The following LIMCH1 variants were observed in gnomAD, a reference collection of about 807,000 sequenced individuals.
LIMCH1 encodes the protein LIM and calponin homology domains 1, also known as LIM and calponin homology domains-containing protein 1.
A neutral mutation model predicts 176.5 loss-of-function variants in LIMCH1; 113 were observed. That is an observed-to-expected ratio of 0.64 (90% CI 0.55 to 0.75). The LOEUF (loss-of-function observed/expected upper bound fraction) is 0.75, where lower values mean the gene tolerates loss of function less well. LIMCH1 is among the 30% of genes least tolerant of loss of function. The probability of loss-of-function intolerance (pLI) is 0.00; values close to 1 mark genes in which losing one functional copy is unlikely to be tolerated. For synonymous variants in LIMCH1, 619 were observed against 645.9 expected (o/e 0.96, Z 0.63); for missense variants, 1,674 against 1,814.9 (o/e 0.92, Z 1.41).
intron 28 of LIMCH1, among the ~76,000 whole-genome samples, chr4:41,687,331 C>T (rs1560388867): frequency 1.3e-5 from 2 of 152,238 alleles, no homozygotes; most frequent in East Asian, 3.9e-4. Context: ...ACCCTTCATC[C>T]CACGTATCCA....
chr4:41,428,891 G>T (rs2061350837), intron 1 of LIMCH1, among the ~76,000 whole-genome samples: 2 of 152,220 alleles, frequency 1.3e-5, no homozygotes, highest in African/African-American at 4.8e-5. Flanking sequence ...GCTCACTGCT[G>T]CCTGAAGTCT....
intron 4 of LIMCH1, among the ~76,000 whole-genome samples, chr4:41,610,127 G>A (rs1322295051): frequency 6.6e-6 from 1 of 152,174 alleles, no homozygotes; most frequent in Non-Finnish European, 1.5e-5. Flanking sequence ...TGAATATAAC[G>A]GCCTCTCTGT....
intron 1 of LIMCH1, among the ~76,000 whole-genome samples, chr4:41,400,298 G>A (rs1403013626): frequency 1.3e-5 from 2 of 152,160 alleles, no homozygotes; most frequent in African/African-American, 2.4e-5. Context: ...CCTAAACTGT[G>A]TCATGGGGTA....
intron 1 of LIMCH1, among the ~76,000 whole-genome samples, chr4:41,576,387 T>A (rs2152650939): frequency 6.6e-6 from 1 of 152,350 alleles, no homozygotes; most frequent in South Asian, 2.1e-4. Context: ...GAGGACAATT[T>A]GGAAATACCT....
At chr4:41,432,139 T>TC (rs2061659866) in intron 1 of LIMCH1, among the ~76,000 whole-genome samples, 1 of 152,198 alleles carries the variant, frequency 6.6e-6, no homozygotes, top group Admixed American at 6.5e-5. Context: ...TTGCTGTTTT[T>TC]CCCCACTCAG....
rs1380074976 is a variant in LIMCH1 at position 41,626,956 on chromosome 4, G to A, written c.974G>A (p.Gly325Asp). ...AAGAAAGGGGCAGAGAAATCAGATG[G>A]CAGCAAACAGCTCTCAAAGGGAATC... ...YPKKGAEKSD[G>D]SKQLSKGISK... The change falls in exon 8 of 32, where the codon GGC becomes GAC. Residue 325 changes from glycine to aspartate, a missense_variant. By Grantham distance (94) the Gly-to-Asp change is moderately conservative. Coordinates refer to ENST00000503057, the MANE Select transcript of LIMCH1 (RefSeq NM_001330672.2). The A allele has an allele frequency of 6.5e-7, 1 of 1,535,630 alleles. No homozygotes were observed. Among genetic ancestry groups the A allele is most frequent in the African/African-American group, 1.4e-5 (1 of 72,878 alleles).
intron 1 of LIMCH1, among the ~76,000 whole-genome samples, chr4:41,403,589 A>G (rs997457754): frequency 1.3e-5 from 2 of 152,192 alleles, no homozygotes; most frequent in Non-Finnish European, 2.9e-5. Flanking sequence ...TCAAGTAAAT[A>G]AATAAATAAA....
At chr4:41,500,265 C>T (rs2073030089) in intron 2 of LIMCH1, among the ~76,000 whole-genome samples, 1 of 152,220 alleles carries the variant, frequency 6.6e-6, no homozygotes, top group African/African-American at 2.4e-5. Flanking sequence ...ATGATACTTT[C>T]CTGAATCAGT....
chr4:41,446,861 G>T (rs1376333899), intron 1 of LIMCH1, among the ~76,000 whole-genome samples: 1 of 152,218 alleles, frequency 6.6e-6, no homozygotes, highest in Non-Finnish European at 1.5e-5. Context: ...GTGTATGTGT[G>T]TGATTCTGAG....
chr4:41,419,678 T>G (rs2060395971), intron 1 of LIMCH1, among the ~76,000 whole-genome samples: 1 of 69,908 alleles, frequency 1.4e-5, no homozygotes, highest in African/African-American at 7.5e-5. Flanking sequence ...CCTTCCTTCC[T>G]TCCTCCTTCC....
chr4:41,429,831 G>C (rs2061436353), intron 1 of LIMCH1, among the ~76,000 whole-genome samples: 1 of 151,844 alleles, frequency 6.6e-6, no homozygotes, highest in Non-Finnish European at 1.5e-5. Flanking sequence ...TCATGTAGAT[G>C]CACGTTGATA....
intron 1 of LIMCH1, among the ~76,000 whole-genome samples, chr4:41,401,409 G>A (rs1452603059): frequency 3.9e-5 from 6 of 152,178 alleles, no homozygotes; most frequent in Non-Finnish European, 8.8e-5. Context: ...TTTGATACCA[G>A]TACCATGCTG....
chr4:41,602,181 G>T (rs1358213356), intron 2 of LIMCH1, among the ~76,000 whole-genome samples: 3 of 146,532 alleles, frequency 2.0e-5, no homozygotes, highest in Non-Finnish European at 4.5e-5. Flanking sequence ...ATTACTGCAT[G>T]TGTAATTTAG....
intron 1 of LIMCH1, among the ~76,000 whole-genome samples, chr4:41,408,499 C>T (rs568385087): frequency 6.6e-6 from 1 of 152,172 alleles, no homozygotes; most frequent in African/African-American, 2.4e-5. Flanking sequence ...AGAAATCTGC[C>T]CAAAGTCTCA....
intron 3 of LIMCH1, among the ~76,000 whole-genome samples, chr4:41,531,515 C>CACACACACACACACAT (rs763489174): frequency 1.9e-5 from 2 of 105,886 alleles, no homozygotes; most frequent in African/African-American, 9.9e-5. Flanking sequence ...CACACACACA[C>CACACACACACACACAT]ATACACACCT....
Position 41,626,867 on chromosome 4 carries a change from A to G in LIMCH1, c.885A>G (p.Arg295=). The G allele has an allele frequency of 6.5e-7, 1 of 1,536,176 alleles. No homozygotes were observed. Among genetic ancestry groups the G allele is most frequent in the Non-Finnish European group, 8.7e-7 (1 of 1,146,922 alleles). ...AGAAGGATGACTTTGCTGCAAGGAG[A>G]GCAAGGATGAACCAAACCAAGCCAA... ...DLEKDDFAAR[R]ARMNQTKPMV... Residue 295 remains arginine (R), a synonymous_variant, in exon 8 of 32, where the codon AGA becomes AGG. Transcript: ENST00000503057.
intron 1 of LIMCH1, among the ~76,000 whole-genome samples, chr4:41,361,707 C>T (rs944367072): frequency 3.3e-5 from 5 of 152,196 alleles, no homozygotes; most frequent in Non-Finnish European, 2.9e-5. Flanking sequence ...GTCCCGGAAG[C>T]GCTCACTGGG....
intron 1 of LIMCH1, among the ~76,000 whole-genome samples, chr4:41,487,961 G>A (rs1028702372): frequency 1.4e-5 from 2 of 144,758 alleles, no homozygotes; most frequent in Non-Finnish European, 3.0e-5. Context: ...ATGTTATCTT[G>A]TATTTATCAT....
chr4:41,547,303 C>A (rs2079580345), intron 1 of LIMCH1, among the ~76,000 whole-genome samples: 1 of 152,170 alleles, frequency 6.6e-6, no homozygotes, highest in Non-Finnish European at 1.5e-5. Context: ...TGTCACCTTT[C>A]TTCACCCACC....
Sources: allele counts gnomAD v4.1 joint callset (sites outside exome capture counted in the v4.1 genomes callset), GRCh38; gene constraint gnomAD v4.1.1; transcripts MANE v1.5; gene names NCBI Gene and HGNC (gene_info 2026-07-23, HGNC 2026-07-21).